OR2M4: variants seen among roughly 807,000 people sequenced by gnomAD.
OR2M4 encodes olfactory receptor 2M4.
OR2M4 carries 8 observed loss-of-function variants against 13.7 expected under a neutral mutation model. The observed-to-expected ratio is 0.58, with a 90% CI of 0.34 to 1.05. The LOEUF (loss-of-function observed/expected upper bound fraction) is 1.05. OR2M4 is among the 50% of genes least tolerant of loss of function. OR2M4 has a pLI of 0.02. For synonymous variants in OR2M4, 152 were observed against 141.3 expected (o/e 1.08, Z -0.53); for missense variants, 374 against 381.6 (o/e 0.98, Z 0.17).
chr1:248,234,344 G>T (rs562008301), intron 1 of OR2M4, among the ~76,000 whole-genome samples: 1 of 151,832 alleles, frequency 6.6e-6, no homozygotes, highest in East Asian at 1.9e-4. Context: ...ATGCGGGTTT[G>T]TTACATAGGT....
chr1:248,232,985 A>G (rs1449625740), intron 1 of OR2M4, among the ~76,000 whole-genome samples: 1 of 152,128 alleles, frequency 6.6e-6, no homozygotes, highest in Non-Finnish European at 1.5e-5. Flanking sequence ...ACATTCTTCT[A>G]TTTCTAAACG....
Position 248,239,162 on chromosome 1 carries a change from A to G in OR2M4, c.234A>G (p.Leu78=). The G allele has an allele frequency of 6.2e-7, 1 of 1,613,772 alleles. No individual in the cohort carries two copies. Among genetic ancestry groups the G allele is most frequent in the Non-Finnish European group, 8.5e-7 (1 of 1,179,888 alleles). Reference sequence around the variant, plus strand: ...ACCTCATGCTCATCTGCACCACTCTACCCAAGATGATCTTCAGCTACTTGT... The same window carrying G: ...ACCTCATGCTCATCTGCACCACTCTGCCCAAGATGATCTTCAGCTACTTGT... ...LMDLMLICTT[L]PKMIFSYLSG... is the part of the protein sequence containing the mutation. Residue 78 remains leucine (L), a synonymous_variant, in exon 2 of 2, where the codon CTA becomes CTG. Coordinates refer to ENST00000641868, the MANE Select transcript of OR2M4 (RefSeq NM_017504.2).
intron 1 of OR2M4, among the ~76,000 whole-genome samples, chr1:248,234,164 A>C (rs1666533515): frequency 2.0e-5 from 3 of 152,180 alleles, no homozygotes. Flanking sequence ...CAAAATTGAA[A>C]TGTATTTAAA....
intron 1 of OR2M4, among the ~76,000 whole-genome samples, chr1:248,236,470 A>G (rs1265757685): frequency 6.6e-6 from 1 of 152,128 alleles, no homozygotes; most frequent in Admixed American, 6.5e-5. Flanking sequence ...GAAAGATCTC[A>G]AATTGACACC....
rs1295360155 is a variant in OR2M4, at chr1:248,243,399, G to A, written c.*3535G>A. The A allele has an allele frequency of 6.6e-6, 1 of 152,094 alleles. No homozygotes were observed. Among genetic ancestry groups the A allele is most frequent in the Non-Finnish European group, 1.5e-5 (1 of 68,002 alleles). The allele number at this position is 152,094 out of a possible 1,614,324, so 9.4% of individuals were successfully genotyped here. A position where few individuals can be genotyped will look rare whatever the true frequency, so the allele number is the denominator to read the frequency against. ...ATTCGCAGGCACGCTGTCCGGTGGG[G>A]GTTGAGAGAGATGCCTCCTTACCAG... is the stretch of plus-strand genomic sequence containing the variant. On this transcript the variant is annotated 3_prime_UTR_variant, in exon 2 of 2. Transcript: ENST00000641868.
rs1286326603 is a variant in OR2M4 at position 248,241,082 on chromosome 1, G to A, written c.*1218G>A. On this transcript the variant is annotated 3_prime_UTR_variant, in exon 2 of 2. Coordinates refer to ENST00000641868, the MANE Select transcript of OR2M4 (RefSeq NM_017504.2). ...CATAAGTACTGCAACTCTTAGGTGA[G>A]TCCTAGTGCTGAATTGGGCCCCGAG... 6.6e-6 allele frequency: 1 copy of A among 152,234 alleles called. No homozygotes were observed. Among genetic ancestry groups the A allele is most frequent in the African/African-American group, 2.4e-5 (1 of 41,444 alleles). The allele number at this position is 152,234 out of a possible 1,614,324, so 9.4% of individuals were successfully genotyped here. A position where few individuals can be genotyped will look rare whatever the true frequency, so the allele number is the denominator to read the frequency against.
rs1441912902 is a variant in OR2M4 at position 248,243,448 on chromosome 1, G to C, written c.*3584G>C. 2 of 152,146 alleles carry C rather than the reference G, an allele frequency of 1.3e-5. No individual in the cohort carries two copies. The highest frequency in any genetic ancestry group is 4.8e-5 in the African/African-American group (2 of 41,410). The allele number at this position is 152,146 out of a possible 1,614,324, so 9.4% of individuals were successfully genotyped here. The stretch of plus-strand genomic sequence containing the variant: ...AGGACGACTCCTGAGCCTTGGAGGA[G>C]GCCCCTCCAATTACTAGCACTTCGC... On this transcript the variant is annotated 3_prime_UTR_variant, in exon 2 of 2. Coordinates refer to ENST00000641868, the MANE Select transcript of OR2M4 (RefSeq NM_017504.2).
At chr1:248,232,521 T>C (rs186214069) in intron 1 of OR2M4, among the ~76,000 whole-genome samples, 1 of 152,272 alleles carries the variant, frequency 6.6e-6, no homozygotes, top group East Asian at 1.9e-4. Flanking sequence ...ATTTTAGCAC[T>C]TATTTTCCTC....
At chr1:248,237,146 C>T (rs931107707) in intron 1 of OR2M4, among the ~76,000 whole-genome samples, 10 of 152,248 alleles carry the variant, frequency 6.6e-5, no homozygotes, top group African/African-American at 2.2e-4. Flanking sequence ...TGGTAAATAT[C>T]GAGGCAAAAA....
At chr1:248,231,983 A>G (rs1239265820) in intron 1 of OR2M4, among the ~76,000 whole-genome samples, 1 of 152,186 alleles carries the variant, frequency 6.6e-6, no homozygotes, top group Non-Finnish European at 1.5e-5. Context: ...TACAAAAACA[A>G]TCATATACCA....
chr1:248,234,153 A>C (rs968217412), intron 1 of OR2M4, among the ~76,000 whole-genome samples: 1 of 152,310 alleles, frequency 6.6e-6, no homozygotes, highest in African/African-American at 2.4e-5. Flanking sequence ...TTAATTAGAA[A>C]CAAAATTGAA....
rs990439502 is a variant in OR2M4 at position 248,239,239 on chromosome 1, A to G, written c.311A>G (p.Tyr104Cys). ...LAGCGTQIFF[Y>C]VSLLGAECFL... ...GGTTGTGGAACTCAGATATTCTTCT[A>G]TGTGTCCCTGCTTGGAGCTGAATGT... is the stretch of plus-strand genomic sequence containing the variant. The change falls in exon 2 of 2, where the codon TAT becomes TGT. Residue 104 changes from tyrosine to cysteine, a missense_variant. Coordinates refer to ENST00000641868, the MANE Select transcript of OR2M4 (RefSeq NM_017504.2). The G allele has an allele frequency of 6.2e-7, 1 of 1,614,044 alleles. No individual in the cohort carries two copies. The highest frequency in any genetic ancestry group is 1.3e-5 in the African/African-American group (1 of 74,988).
rs1666644762 is a variant in OR2M4, at chr1:248,244,239, CAA to C, written c.*4377_*4378del. 6.6e-6 allele frequency: 1 copy of C among 151,958 alleles called. No individual in the cohort carries two copies. Among genetic ancestry groups the C allele is most frequent in the Non-Finnish European group, 1.5e-5 (1 of 67,920 alleles). 9.4% of individuals were successfully genotyped at this position (151,958 alleles called of 1,614,324 possible). ...AAAATAAATTGTTCTACCCCAAAGA[CAA>C]ATTATTCATTCATTGCAGTGTTATT... On this transcript the variant is annotated 3_prime_UTR_variant, in exon 2 of 2. Coordinates refer to ENST00000641868, the MANE Select transcript of OR2M4 (RefSeq NM_017504.2).
In OR2M4 at chr1:248,244,602, C is replaced by T. The variant is rs1319606684; in HGVS notation, c.*4738C>T. On this transcript the variant is annotated 3_prime_UTR_variant, in exon 2 of 2. Coordinates refer to ENST00000641868, the MANE Select transcript of OR2M4 (RefSeq NM_017504.2). ...ACCTATGGGATACTATGCTCACAAC[C>T]TGGGTGATGGGATCTATACCCTAAA... 6.6e-6 allele frequency: 1 copy of T among 152,114 alleles called. No homozygotes were observed. Among genetic ancestry groups the T allele is most frequent in the African/African-American group, 2.4e-5 (1 of 41,400 alleles). 9.4% of individuals were successfully genotyped at this position (152,114 alleles called of 1,614,324 possible).
chr1:248,239,091 C>G lies in OR2M4; in HGVS notation c.163C>G (p.Leu55Val). Residue 55 changes from leucine (L) to valine (V), a missense_variant, in exon 2 of 2, where the codon CTC (leucine) becomes GTC (valine). Leu to Val is a conservative substitution (Grantham distance 32). Transcript: ENST00000641868. ...MVLLIYIEKQ[L>V]HTPMYFLLSQ... ...TCTCCTCATCTACATAGAGAAACAG[C>G]TCCACACCCCCATGTACTTCCTCCT... is the stretch of plus-strand genomic sequence containing the variant. 6.2e-7 allele frequency: 1 copy of G among 1,614,028 alleles called. No individual in the cohort carries two copies.
At chr1:248,236,202 CCAAA>C (rs1451627205) in intron 1 of OR2M4, among the ~76,000 whole-genome samples, 3 of 151,964 alleles carry the variant, frequency 2.0e-5, no homozygotes, top group African/African-American at 4.8e-5. Flanking sequence ...TGAAATCATA[CCAAA>C]CAGTCTCTCA....
chr1:248,240,031 T>C lies in OR2M4; in HGVS notation c.*167T>C, dbSNP rs184993958. 9.0e-4 allele frequency: 467 copies of C among 518,160 alleles called. No homozygotes were observed. Among genetic ancestry groups the C allele is most frequent in the Non-Finnish European group, 1.3e-3 (388 of 298,982 alleles). 32.1% of individuals were successfully genotyped at this position (518,160 alleles called of 1,614,324 possible). A position where few individuals can be genotyped will look rare whatever the true frequency, so the allele number is the denominator to read the frequency against. ...TATTACATATACATCGTTTGTATAC[T>C]AAGCTAGATTTGGATGTTAGTATAA... On this transcript the variant is annotated 3_prime_UTR_variant, in exon 2 of 2. Transcript: ENST00000641868.
Position 248,244,141 on chromosome 1 carries a change from A to G in OR2M4, c.*4277A>G, listed in dbSNP as rs1036928564. Reference sequence around the variant, plus strand: ...TGAGCCACTGTGGAAAGCAGTTTGGAGATTTCTCGAAGAACTTAAAACAGG... The same window carrying G: ...TGAGCCACTGTGGAAAGCAGTTTGGGGATTTCTCGAAGAACTTAAAACAGG... On this transcript the variant is annotated 3_prime_UTR_variant, in exon 2 of 2. Coordinates refer to ENST00000641868, the MANE Select transcript of OR2M4 (RefSeq NM_017504.2). The G allele has an allele frequency of 6.6e-6, 1 of 152,208 alleles. No homozygotes were observed. The highest frequency in any genetic ancestry group is 1.5e-5 in the Non-Finnish European group (1 of 68,044). The allele number at this position is 152,208 out of a possible 1,614,324, so 9.4% of individuals were successfully genotyped here.
rs569001535 is a variant in OR2M4 at position 248,243,034 on chromosome 1, T to A, written c.*3170T>A. 3 of 152,186 alleles carry A rather than the reference T, an allele frequency of 2.0e-5. No homozygotes were observed. The highest frequency in any genetic ancestry group is 2.0e-4 in the Admixed American group (3 of 15,280). The allele number at this position is 152,186 out of a possible 1,614,324, so 9.4% of individuals were successfully genotyped here. A position where few individuals can be genotyped will look rare whatever the true frequency, so the allele number is the denominator to read the frequency against. ...ATTTAGTGATGAAAAATGTTTTGAG[T>A]ATGTTTGGGACATTGCGTATATGTG... On this transcript the variant is annotated 3_prime_UTR_variant, in exon 2 of 2. Transcript: ENST00000641868.
Sources: allele counts gnomAD v4.1 joint callset (sites outside exome capture counted in the v4.1 genomes callset), GRCh38; gene constraint gnomAD v4.1.1; transcripts MANE v1.5; gene names NCBI Gene and HGNC (gene_info 2026-07-23, HGNC 2026-07-21).